Variants in POU2AF1 observed in about 807,000 individuals in gnomAD.
The protein encoded by POU2AF1 is POU domain class 2-associating factor 1.
Under a neutral mutation model 26.3 loss-of-function variants are expected in POU2AF1, and 12 were observed. The ratio of observed to expected loss-of-function variants is 0.46; its 90% CI spans 0.29 to 0.74. The LOEUF (loss-of-function observed/expected upper bound fraction) is 0.74, where lower values mean the gene tolerates loss of function less well. POU2AF1 is among the 30% of genes least tolerant of loss of function. The pLI is 0.09. For synonymous variants in POU2AF1, 175 were observed against 148.0 expected, an observed-to-expected ratio of 1.18 and a Z score of -1.32; for missense variants, 297 against 334.5, an observed-to-expected ratio of 0.89 and a Z score of 0.87.
chr11:111,363,700 T>C (rs1249677461), intron 1 of POU2AF1: 5 of 519,732 alleles, frequency 9.6e-6, no homozygotes, highest in Non-Finnish European at 1.2e-5. Context: ...AACCAGGAGA[T>C]TGAAATAATA....
intron 1 of POU2AF1, among the ~76,000 whole-genome samples, chr11:111,370,301 C>T (rs1337646036): frequency 2.0e-5 from 3 of 152,170 alleles, no homozygotes; most frequent in East Asian, 3.9e-4. Context: ...AGAAAGAAGT[C>T]ACTTGGTCAG....
chr11:111,357,311 G>A, intron 4 of POU2AF1, 134 bp downstream of exon 4: 1 of 1,287,656 alleles, frequency 7.8e-7, no homozygotes, highest in Non-Finnish European at 1.1e-6. Flanking sequence ...CCTCCATGGA[G>A]ACCAAGGCGA....
chr11:111,364,382 CA>C (rs1861066092), intron 1 of POU2AF1: 2 of 152,256 alleles, frequency 1.3e-5, no homozygotes, highest in Non-Finnish European at 2.9e-5. Context: ...ACCCAGGAAA[CA>C]TGCAAAATTG....
intron 1 of POU2AF1, among the ~76,000 whole-genome samples, chr11:111,372,211 G>T (rs941658203): frequency 1.6e-4 from 25 of 152,182 alleles, no homozygotes; most frequent in South Asian, 1.2e-3. Flanking sequence ...TACTAAAACT[G>T]CCCAGAAAAG....
chr11:111,358,602 TCTCA>T (rs1369906229), intron 2 of POU2AF1, among the ~76,000 whole-genome samples, 182 bp downstream of exon 2: 1 of 37,754 alleles, frequency 2.6e-5, no homozygotes, highest in Non-Finnish European at 1.0e-4. Flanking sequence ...ACACATACAC[TCTCA>T]CACACTGACG....
intron 1 of POU2AF1, among the ~76,000 whole-genome samples, chr11:111,375,808 C>T (rs1471942984): frequency 6.6e-6 from 1 of 152,192 alleles, no homozygotes; most frequent in African/African-American, 2.4e-5. Context: ...ATATTTTAGG[C>T]TTTGTATGCT....
chr11:111,357,679 C>G lies in POU2AF1; in HGVS notation c.222G>C (p.Val74=), dbSNP rs1427634739. 3 of 1,613,106 alleles carry G rather than the reference C, an allele frequency of 1.9e-6. No individual in the cohort carries two copies. In the African/African-American group the frequency reaches 4.0e-5, roughly 22 times the overall value. Residue 74 remains valine, a synonymous_variant, in exon 4 of 5, where the codon GTG becomes GTC. Transcript: ENST00000393067. ...GGGCAGCCTCCTCTGTCACTGCAGACACAGAACCTTCCATGTCCAGGCAGG... is the reference window on the plus strand; with the variant it reads ...GGGCAGCCTCCTCTGTCACTGCAGAGACAGAACCTTCCATGTCCAGGCAGG... ...GPSCLDMEGS[V]SAVTEEAALC... is the part of the protein sequence containing the mutation.
chr11:111,375,915 A>C (rs935826012), intron 1 of POU2AF1, among the ~76,000 whole-genome samples: 15 of 152,276 alleles, frequency 9.9e-5, no homozygotes, highest in Non-Finnish European at 2.1e-4. Context: ...CTTTATTTAC[A>C]AATGGAGTGG....
intron 2 of POU2AF1, 103 bp downstream of exon 2, chr11:111,358,685 C>A (rs371811076): frequency 1.5e-6 from 2 of 1,312,586 alleles, no homozygotes; most frequent in South Asian, 1.3e-5. Flanking sequence ...CATACACACA[C>A]GCATACACAT....
chr11:111,357,980 C>A, intron 2 of POU2AF1, 143 bp from the exon 3 acceptor site: 2 of 911,536 alleles, frequency 2.2e-6, no homozygotes, highest in Non-Finnish European at 3.3e-6. Flanking sequence ...CACCCCGTAT[C>A]CCAACCATCA....
In POU2AF1 at chr11:111,363,978, C is replaced by T. The variant is rs961270670; in HGVS notation, c.17-5060G>A. The T allele has an allele frequency of 1.2e-5, 12 of 985,270 alleles. No individual in the cohort carries two copies. In the Admixed American group the frequency reaches 1.8e-4, roughly 15 times the overall value. The allele number at this position is 985,270 out of a possible 1,614,324, so 61.0% of individuals were successfully genotyped here. ...CGGGCTGAGAAGTTCACCATATTGCCTTTCTATACCACTGGAAGTCAAGCC... is the reference window on the plus strand; with the variant it reads ...CGGGCTGAGAAGTTCACCATATTGCTTTTCTATACCACTGGAAGTCAAGCC... On this transcript the variant is annotated intron_variant, in intron 1 of 4. Transcript: ENST00000393067.
rs1030348932 is a variant in POU2AF1 at position 111,361,803 on chromosome 11, T to C, written c.17-2885A>G. On this transcript the variant is annotated intron_variant, in intron 1 of 4. Coordinates refer to ENST00000393067, the MANE Select transcript of POU2AF1 (RefSeq NM_006235.3). Reference sequence around the variant, plus strand: ...TGTAGGGTAATTTAAGATTTGCATGTGAAGTGCTTGGAATAGAGTTTGGCA... The same window carrying C: ...TGTAGGGTAATTTAAGATTTGCATGCGAAGTGCTTGGAATAGAGTTTGGCA... Among the ~76,000 whole-genome samples, 5 of 152,352 alleles carry C rather than the reference T, an allele frequency of 3.3e-5. No individual in the cohort carries two copies. The East Asian group carries it at 7.7e-4, about 23-fold the overall frequency.
At chr11:111,360,117 C>A (rs1860976955) in intron 1 of POU2AF1, 1 of 502,798 alleles carries the variant, frequency 2.0e-6, no homozygotes, top group African/African-American at 1.9e-5. Flanking sequence ...GGGAGAGCAA[C>A]TGAAAAGCAG....
In POU2AF1 at chr11:111,357,607, G is replaced by A. The variant is rs773762367; in HGVS notation, c.294C>T (p.Pro98=). The A allele has an allele frequency of 6.8e-6, 11 of 1,613,958 alleles. No homozygotes were observed. The highest frequency in any genetic ancestry group is 9.3e-6 in the Non-Finnish European group (11 of 1,179,990). The change falls in exon 4 of 5, where the codon CCC becomes CCT. Residue 98 remains proline (P), a synonymous_variant. Coordinates refer to ENST00000393067, the MANE Select transcript of POU2AF1 (RefSeq NM_006235.3). Reference sequence around the variant, plus strand: ...CGGTGTAAGGTGTCCATGGGGCCAGGGGCTGCAGGGTGGCCGGGGTGGGCT... The same window carrying A: ...CGGTGTAAGGTGTCCATGGGGCCAGAGGCTGCAGGGTGGCCGGGGTGGGCT... ...LSQPTPATLQ[P]LAPWTPYTEY...
chr11:111,374,062 C>A (rs114673625), intron 1 of POU2AF1, among the ~76,000 whole-genome samples: 1,606 of 148,838 alleles, frequency 0.011, 32 homozygotes, highest in African/African-American at 0.037. Flanking sequence ...ATTTATAAGA[C>A]TTCTTTATGA....
At chr11:111,365,263 G>A (rs752771188) in intron 1 of POU2AF1, among the ~76,000 whole-genome samples, 1 of 152,178 alleles carries the variant, frequency 6.6e-6, no homozygotes, top group African/African-American at 2.4e-5. Flanking sequence ...CTAACAAATG[G>A]CCCTCATGAT....
intron 1 of POU2AF1, among the ~76,000 whole-genome samples, chr11:111,375,478 G>C (rs2135141147): frequency 2.3e-5 from 3 of 129,530 alleles, no homozygotes; most frequent in Middle Eastern, 0.011. Context: ...CTCACTGTAA[G>C]CTCCGCCTCC....
At chr11:111,375,489 C>T (rs948536032) in intron 1 of POU2AF1, among the ~76,000 whole-genome samples, 3 of 150,474 alleles carry the variant, frequency 2.0e-5, no homozygotes, top group Non-Finnish European at 4.4e-5. Context: ...CTCCGCCTCC[C>T]GGGTTCATGC....
At chr11:111,358,602 T>TCACACTCCCTCACACACACATACA (rs1860931096) in intron 2 of POU2AF1, among the ~76,000 whole-genome samples, 186 bp downstream of exon 2, 1 of 37,754 alleles carries the variant, frequency 2.6e-5, no homozygotes, top group Non-Finnish European at 1.0e-4. Context: ...ACACATACAC[T>TCACACTCCCTCACACACACATACA]CTCACACACT....
Sources: allele counts gnomAD v4.1 joint callset (sites outside exome capture counted in the v4.1 genomes callset), GRCh38; gene constraint gnomAD v4.1.1; transcripts MANE v1.5; gene names NCBI Gene and HGNC (gene_info 2026-07-23, HGNC 2026-07-21).